DOCK8: variants seen among roughly 807,000 people sequenced by gnomAD.
The protein encoded by DOCK8 is dedicator of cytokinesis 8.
DOCK8 carries 141 observed loss-of-function variants against 245.6 expected under a neutral mutation model. The observed-to-expected ratio is 0.57, with a 90% CI of 0.50 to 0.66. The LOEUF is 0.66. DOCK8 is among the 30% of genes least tolerant of loss of function. DOCK8 has a pLI of 0.00. For synonymous variants in DOCK8, 1,168 were observed against 970.2 expected, an observed-to-expected ratio of 1.20 and a Z score of -3.79; for missense variants, 2,965 against 2,603.4, an observed-to-expected ratio of 1.14 and a Z score of -3.02.
chr9:355,822 TC>T (rs1287830954), intron 14 of DOCK8, among the ~76,000 whole-genome samples: 4 of 151,802 alleles, frequency 2.6e-5, no homozygotes, highest in Admixed American at 2.6e-4. Flanking sequence ...CTCCCAAGCA[TC>T]TGCAGATCTA....
chr9:313,283 C>T (rs1487475528), intron 6 of DOCK8, among the ~76,000 whole-genome samples: 3 of 152,214 alleles, frequency 2.0e-5, no homozygotes, highest in Admixed American at 6.5e-5. Context: ...TGAGATAATA[C>T]AAACACTTAG....
chr9:310,290 T>C (rs2050038282), intron 5 of DOCK8, among the ~76,000 whole-genome samples: 1 of 151,892 alleles, frequency 6.6e-6, no homozygotes, highest in Non-Finnish European at 1.5e-5. Flanking sequence ...ATCCAATCTT[T>C]CCTATTGGCT....
At chr9:396,998 CAG>C (rs2054493837) in intron 25 of DOCK8, 64 bp downstream of exon 25, 3 of 1,511,076 alleles carry the variant, frequency 2.0e-6, no homozygotes, top group Non-Finnish European at 2.8e-6. Flanking sequence ...CTTTCATAAT[CAG>C]AGAAAAATAA....
chr9:324,435 TGA>T (rs1164816684), intron 7 of DOCK8, among the ~76,000 whole-genome samples: 1 of 152,172 alleles, frequency 6.6e-6, no homozygotes, highest in East Asian at 1.9e-4. Context: ...GACATCAAGC[TGA>T]GAAACTTGGA....
intron 10 of DOCK8, 29 bp from the exon 11 acceptor site, chr9:334,196 T>G (rs2051195535): frequency 6.2e-7 from 1 of 1,613,874 alleles, no homozygotes; most frequent in Non-Finnish European, 8.5e-7. Context: ...GATGCTTGTT[T>G]CAGCTTGTTT....
intron 1 of DOCK8, among the ~76,000 whole-genome samples, chr9:253,246 T>A (rs9407996): frequency 0.053 from 7,997 of 152,294 alleles, 265 homozygotes; most frequent in East Asian, 0.14. Flanking sequence ...AGGTTTAGTT[T>A]GTATGTTATT....
intron 39 of DOCK8, 27 bp downstream of exon 39, chr9:435,002 G>T: frequency 6.2e-7 from 1 of 1,610,086 alleles, no homozygotes; most frequent in South Asian, 1.1e-5. Context: ...TTTTCCCTTA[G>T]AGCAGTGGTT....
intron 23 of DOCK8, 149 bp from the exon 24 acceptor site, chr9:390,322 A>C (rs1163472409): frequency 4.0e-6 from 3 of 741,832 alleles, no homozygotes; most frequent in South Asian, 3.1e-5. Context: ...TGACTTTGCC[A>C]TCCACCACTT....
At chr9:417,017 C>A (rs890114784) in intron 29 of DOCK8, among the ~76,000 whole-genome samples, 1 of 152,128 alleles carries the variant, frequency 6.6e-6, no homozygotes, top group African/African-American at 2.4e-5. Flanking sequence ...GGTTTTGGCT[C>A]GGTGTGGTGG....
chr9:304,410 C>G (rs1037125192), intron 4 of DOCK8, among the ~76,000 whole-genome samples, 171 bp from the exon 5 acceptor site: 6 of 152,166 alleles, frequency 3.9e-5, no homozygotes, highest in Admixed American at 3.3e-4. Context: ...ACAACAGAGC[C>G]TTGTATTAGG....
At chr9:302,565 C>T (rs753398477) in intron 4 of DOCK8, among the ~76,000 whole-genome samples, 4 of 152,106 alleles carry the variant, frequency 2.6e-5, no homozygotes, top group Non-Finnish European at 5.9e-5. Context: ...AAACTGATAA[C>T]CAACTGAATA....
In DOCK8 at chr9:376,307, T is replaced by C; in HGVS notation, c.2205+2T>C. Reference sequence around the variant, plus strand: ...GCTGTTTCTTCTGTACACACCCAGGTAAGGAATGTCAAGGTTAATCATGAA... The same window carrying C: ...GCTGTTTCTTCTGTACACACCCAGGCAAGGAATGTCAAGGTTAATCATGAA... On this transcript the variant is annotated splice_donor_variant, in intron 19 of 47. Coordinates refer to ENST00000432829, the MANE Select transcript of DOCK8 (RefSeq NM_203447.4). LOFTEE classifies it high-confidence loss of function. The C allele has an allele frequency of 6.2e-7, 1 of 1,600,640 alleles. No homozygotes were observed. Among genetic ancestry groups the C allele is most frequent in the Non-Finnish European group, 8.6e-7 (1 of 1,167,724 alleles).
In DOCK8 at chr9:371,510, C is replaced by T. The variant is rs1307269798; in HGVS notation, c.1951C>T (p.His651Tyr). 6.2e-7 allele frequency: 1 copy of T among 1,614,076 alleles called. No individual in the cohort carries two copies. Among genetic ancestry groups the T allele is most frequent in the Non-Finnish European group, 8.5e-7 (1 of 1,180,044 alleles). ...TCACCACCTCCTGTTCACCTTCTACCATATCAGCTGTCAGCAGAAGCAAGG... is the reference window on the plus strand; with the variant it reads ...TCACCACCTCCTGTTCACCTTCTACTATATCAGCTGTCAGCAGAAGCAAGG... ...VNHHLLFTFY[H>Y]ISCQQKQGAS... is the part of the protein sequence containing the mutation. The change falls in exon 17 of 48, where the codon CAT becomes TAT. Residue 651 changes from histidine to tyrosine, a missense_variant. His to Tyr is a moderately conservative substitution (Grantham distance 83, BLOSUM62 2). Transcript: ENST00000432829.
intron 26 of DOCK8, 105 bp downstream of exon 26, chr9:399,364 G>T (rs183208746): frequency 3.6e-6 from 3 of 843,366 alleles, no homozygotes; most frequent in East Asian, 5.1e-5. Flanking sequence ...TACTGAGTTG[G>T]CATGAATCCT....
rs1457280164 is a variant in DOCK8 at position 401,087 on chromosome 9, T to TCTC, written c.3234+1829_3234+1830insTCC. Among the ~76,000 whole-genome samples, 16 of 108,956 alleles carry TCTC rather than the reference T, an allele frequency of 1.5e-4. No individual in the cohort carries two copies. The African/African-American group carries it at 1.8e-3, about 12-fold the overall frequency. The allele number at this position is 108,956 out of a possible 152,430, so 71.5% of individuals were successfully genotyped here. A position where few individuals can be genotyped will look rare whatever the true frequency, so the allele number is the denominator to read the frequency against. On this transcript the variant is annotated intron_variant, in intron 26 of 47. Transcript: ENST00000432829. ...TGTCACCATCATCACCACCACCACC[T>TCTC]CCACCACCATCACCACCTCTCCCAT... is the stretch of plus-strand genomic sequence containing the variant.
intron 24 of DOCK8, among the ~76,000 whole-genome samples, chr9:392,566 C>T (rs557436603): frequency 6.6e-6 from 1 of 152,248 alleles, no homozygotes; most frequent in Non-Finnish European, 1.5e-5. Flanking sequence ...GACTTCTAAG[C>T]CTGTTAATGA....
intron 14 of DOCK8, chr9:365,774 A>G (rs1441910253): frequency 2.5e-6 from 1 of 401,110 alleles, no homozygotes; most frequent in Non-Finnish European, 4.8e-6. Context: ...CGCTTAACAG[A>G]CATTAGCTCT....
chr9:279,783 T>G (rs2048501778), intron 2 of DOCK8, among the ~76,000 whole-genome samples: 1 of 152,218 alleles, frequency 6.6e-6, no homozygotes, highest in Non-Finnish European at 1.5e-5. Flanking sequence ...GAAACATGCA[T>G]GAGGATACAG....
At chr9:436,066 C>G (rs2056889941) in intron 39 of DOCK8, among the ~76,000 whole-genome samples, 1 of 152,190 alleles carries the variant, frequency 6.6e-6, no homozygotes, top group Admixed American at 6.5e-5. Context: ...AAGAACAATT[C>G]AAAGTAGCTT....
Sources: gnomAD v4.1 joint callset for allele counts (sites outside exome capture counted in the v4.1 genomes callset) on GRCh38, gnomAD v4.1.1 for gene constraint, MANE v1.5 for transcripts, NCBI Gene and HGNC (gene_info 2026-07-23, HGNC 2026-07-21) for gene names.